ANO10: variants seen among roughly 807,000 people sequenced by gnomAD.
The protein encoded by ANO10 is anoctamin-10.
In ANO10, 77 loss-of-function variants were observed where a neutral mutation model predicts 74.7. The ratio of observed to expected loss-of-function variants is 1.03; its 90% CI spans 0.86 to 1.25. The LOEUF is 1.25. Ranked by LOEUF, ANO10 falls within the 50% of genes most tolerant of loss-of-function variation. The pLI, the probability that ANO10 is intolerant of heterozygous loss-of-function variation, is 0.00. For missense variants in ANO10, 721 were observed against 778.1 expected, an observed-to-expected ratio of 0.93 and a Z score of 0.87; for synonymous variants, 279 against 284.9, an observed-to-expected ratio of 0.98 and a Z score of 0.21.
At chr3:43,617,352 C>T (rs537701362) in intron 1 of ANO10, among the ~76,000 whole-genome samples, 2 of 151,962 alleles carry the variant, frequency 1.3e-5, no homozygotes, top group Admixed American at 6.5e-5. Flanking sequence ...CTCCTTTGAT[C>T]GGGACTCTCA....
chr3:43,571,464 AG>A (rs2080711251), intron 7 of ANO10, among the ~76,000 whole-genome samples: 1 of 152,050 alleles, frequency 6.6e-6, no homozygotes, highest in Admixed American at 6.5e-5. Context: ...GACTGGATTA[AG>A]AAAATGTGGC....
intron 12 of ANO10, among the ~76,000 whole-genome samples, chr3:43,417,390 G>T (rs1423757076): frequency 6.6e-6 from 1 of 152,116 alleles, no homozygotes; most frequent in Non-Finnish European, 1.5e-5. Flanking sequence ...CTATGTAAAC[G>T]TCACACCTGA....
chr3:43,614,614 C>T (rs2082992532), intron 1 of ANO10, among the ~76,000 whole-genome samples: 1 of 151,634 alleles, frequency 6.6e-6, no homozygotes, highest in East Asian at 1.9e-4. Context: ...TGTAGAAAAT[C>T]TACCATTTTC....
chr3:43,398,051 CA>C (rs1224422338), intron 12 of ANO10, among the ~76,000 whole-genome samples: 1 of 152,134 alleles, frequency 6.6e-6, no homozygotes, highest in Admixed American at 6.5e-5. Flanking sequence ...CCAGGTTTTA[CA>C]GATTGAGAAA....
intron 1 of ANO10, among the ~76,000 whole-genome samples, chr3:43,630,345 A>G (rs1445689087): frequency 6.6e-6 from 1 of 152,254 alleles, no homozygotes; most frequent in Non-Finnish European, 1.5e-5. Flanking sequence ...TCTGTACTCT[A>G]CATGAGAGAC....
intron 1 of ANO10, among the ~76,000 whole-genome samples, chr3:43,627,560 C>G (rs547435148): frequency 6.6e-6 from 1 of 152,390 alleles, no homozygotes; most frequent in South Asian, 2.1e-4. Flanking sequence ...AAAGAAGCCA[C>G]AACCTTCCTA....
chr3:43,457,584 CATGTGGGGATCACGGGTCCCTCCCTCAAT>C (rs1264465202), intron 11 of ANO10, among the ~76,000 whole-genome samples: 1 of 152,180 alleles, frequency 6.6e-6, no homozygotes, highest in East Asian at 1.9e-4. Flanking sequence ...CCTCCCTCAA[CATGTGGGGATCACGGGTCCCTCCCTCAAT>C]ATGTGGGAAT....
At chr3:43,389,936 G>A (rs764233806) in intron 12 of ANO10, among the ~76,000 whole-genome samples, 3 of 152,046 alleles carry the variant, frequency 2.0e-5, no homozygotes, top group Non-Finnish European at 1.5e-5. Flanking sequence ...CAAAACAGCG[G>A]GTTGAGTCAG....
intron 1 of ANO10, among the ~76,000 whole-genome samples, chr3:43,682,609 C>T (rs1037597785): frequency 2.6e-5 from 4 of 152,156 alleles, no homozygotes; most frequent in African/African-American, 9.7e-5. Context: ...ATACCAAAGC[C>T]TGGCAGAGAC....
intron 11 of ANO10, among the ~76,000 whole-genome samples, chr3:43,517,457 G>C (rs2077756913): frequency 6.6e-6 from 1 of 151,978 alleles, no homozygotes. Context: ...TTGGAGACAG[G>C]GCCTACAAGA....
At chr3:43,611,616 C>T (rs1328018574) in intron 1 of ANO10, among the ~76,000 whole-genome samples, 1 of 152,176 alleles carries the variant, frequency 6.6e-6, no homozygotes, top group African/African-American at 2.4e-5. Flanking sequence ...AATAAAAGTA[C>T]ATGCCACAGT....
intron 11 of ANO10, among the ~76,000 whole-genome samples, chr3:43,548,914 A>T (rs973687198): frequency 6.6e-6 from 1 of 152,238 alleles, no homozygotes; most frequent in Non-Finnish European, 1.5e-5. Flanking sequence ...TTTGCATGTG[A>T]AATTATCTAT....
intron 12 of ANO10, among the ~76,000 whole-genome samples, chr3:43,395,372 C>T (rs2092357320): frequency 6.6e-6 from 1 of 152,118 alleles, no homozygotes; most frequent in Admixed American, 6.5e-5. Flanking sequence ...AATGTAAGGT[C>T]TCAAATATTT....
intron 1 of ANO10, among the ~76,000 whole-genome samples, chr3:43,617,777 A>C (rs964060459): frequency 2.6e-5 from 4 of 152,234 alleles, no homozygotes; most frequent in African/African-American, 9.6e-5. Flanking sequence ...GTTAAGAAGG[A>C]AATGCATAAC....
intron 11 of ANO10, among the ~76,000 whole-genome samples, chr3:43,538,665 C>T (rs1249545320): frequency 6.6e-6 from 1 of 152,134 alleles, no homozygotes; most frequent in Non-Finnish European, 1.5e-5. Flanking sequence ...GAAGCTGAGG[C>T]AGACTCCAGC....
intron 2 of ANO10, among the ~76,000 whole-genome samples, chr3:43,605,482 G>T (rs2082517399): frequency 6.6e-6 from 1 of 152,142 alleles, no homozygotes; most frequent in Non-Finnish European, 1.5e-5. Flanking sequence ...AACCACTCAT[G>T]CTGCTTTCAG....
intron 11 of ANO10, among the ~76,000 whole-genome samples, chr3:43,440,284 G>A (rs542925466): frequency 6.6e-6 from 1 of 151,874 alleles, no homozygotes; most frequent in Non-Finnish European, 1.5e-5. Context: ...AAACCAACAA[G>A]AAGAAGATCC....
At chr3:43,566,397 A>C (rs2080347187) in intron 7 of ANO10, among the ~76,000 whole-genome samples, 1 of 152,230 alleles carries the variant, frequency 6.6e-6, no homozygotes, top group Admixed American at 6.5e-5. Flanking sequence ...ACAGACAAAC[A>C]AAAAGACAGC....
chr3:43,673,019 A>C (rs2084078768), intron 1 of ANO10, among the ~76,000 whole-genome samples: 1 of 152,196 alleles, frequency 6.6e-6, no homozygotes, highest in South Asian at 2.1e-4. Context: ...CTAGTTTTGC[A>C]CTGACTTAGA....
Sources: gnomAD v4.1 joint callset for allele counts (sites outside exome capture counted in the v4.1 genomes callset) on GRCh38, gnomAD v4.1.1 for gene constraint, MANE v1.5 for transcripts, NCBI Gene and HGNC (gene_info 2026-07-23, HGNC 2026-07-21) for gene names.